The following ELF4 variants were observed in gnomAD, a reference collection of about 807,000 sequenced individuals.
ELF4 encodes ETS-related transcription factor Elf-4.
Under a neutral mutation model 31.7 loss-of-function variants are expected in ELF4, and 10 were observed. That is an observed-to-expected ratio of 0.32 (90% confidence interval 0.19 to 0.54). The LOEUF is 0.54. ELF4 is among the 20% of genes least tolerant of loss of function. The probability of loss-of-function intolerance (pLI) is 0.95; values close to 1 mark genes in which losing one functional copy is unlikely to be tolerated. For synonymous variants in ELF4, 208 were observed against 226.7 expected (o/e 0.92, Z 0.74); for missense variants, 418 against 522.0 (o/e 0.80, Z 1.94).
chrX:130,111,067 C>T (rs1951429722), upstream of ELF4, among the ~76,000 whole-genome samples: 1 of 106,275 alleles, frequency 9.4e-6, no homozygotes, highest in Non-Finnish European at 2.0e-5. Flanking sequence ...CCGTCCGCCC[C>T]GGCCCGCCCG....
At chrX:130,089,591 G>T (rs1933021674) in intron 1 of ELF4, among the ~76,000 whole-genome samples, 1 of 97,560 alleles carries the variant, frequency 1.0e-5, no homozygotes, top group Admixed American at 1.2e-4. Flanking sequence ...AGACCTGAAA[G>T]ATCATTGCAT....
chrX:130,072,852 T>C (rs1215769444), intron 4 of ELF4, among the ~76,000 whole-genome samples: 2 of 111,498 alleles, frequency 1.8e-5, no homozygotes, highest in African/African-American at 3.3e-5. Context: ...CCGGTACAAA[T>C]AGGCACCCAT....
intron 1 of ELF4, among the ~76,000 whole-genome samples, chrX:130,081,861 G>A (rs1932892047): frequency 8.9e-6 from 1 of 111,793 alleles, no homozygotes; most frequent in South Asian, 3.7e-4. Flanking sequence ...CCCTTCCCCT[G>A]GAGAAACTGC....
Position 130,074,688 on chromosome X carries a change from T to C in ELF4, c.140A>G (p.His47Arg), listed in dbSNP as rs1173863352. 1.7e-6 allele frequency: 2 copies of C among 1,211,528 alleles called. No individual in the cohort carries two copies. Among genetic ancestry groups the C allele is most frequent in the Admixed American group, 4.3e-5 (2 of 45,991 alleles). Residue 47 changes from histidine (H) to arginine (R), a missense_variant, in exon 3 of 9, where the codon CAT becomes CGT. Transcript: ENST00000308167. ...VEQVPYPDLL[H>R]LYSGLELDDV... ...GTCCAACTCCAGTCCCGAGTACAGA[T>C]GCAGTAAATCAGGGTAGGGTACCTG...
chrX:130,087,762 C>G (rs1455828306), intron 1 of ELF4, among the ~76,000 whole-genome samples: 1 of 112,432 alleles, frequency 8.9e-6, no homozygotes, highest in Non-Finnish European at 1.9e-5. Context: ...GCCACCGCGC[C>G]TGGCCAGTGT....
At chrX:130,089,509 C>CAAAAAA (rs777456574) in intron 1 of ELF4, among the ~76,000 whole-genome samples, 732 of 19,454 alleles carry the variant, frequency 0.038, 190 homozygotes, top group East Asian at 0.099. Flanking sequence ...GACCTCAGCT[C>CAAAAAA]AAAAAAAAAA....
At chrX:130,101,753 C>T (rs1269531926) in intron 1 of ELF4, among the ~76,000 whole-genome samples, 2 of 110,046 alleles carry the variant, frequency 1.8e-5, no homozygotes, top group Non-Finnish European at 3.8e-5. Context: ...GAGCCGAGAT[C>T]ACGCCATTGC....
Position 130,066,669 on chromosome X carries a change from A to T in ELF4, c.*52T>A, listed in dbSNP as rs1310531469. On this transcript the variant is annotated 3_prime_UTR_variant, in exon 9 of 9. Transcript: ENST00000308167. Reference sequence around the variant, plus strand: ...TGTGCTACTGAAGTCGGTCCCTATGAAAATGCTGCTCAATTTTGCCTGGTG... The same window carrying T: ...TGTGCTACTGAAGTCGGTCCCTATGTAAATGCTGCTCAATTTTGCCTGGTG... 8.6e-7 allele frequency: 1 copy of T among 1,164,984 alleles called. No homozygotes were observed. Among genetic ancestry groups the T allele is most frequent in the Non-Finnish European group, 1.2e-6 (1 of 857,890 alleles).
In ELF4 at chrX:130,066,011, C is replaced by T. The variant is rs946157756; in HGVS notation, c.*710G>A. 2 of 174,674 alleles carry T rather than the reference C, an allele frequency of 1.1e-5. No individual in the cohort carries two copies. Among genetic ancestry groups the T allele is most frequent in the Non-Finnish European group, 2.2e-5 (2 of 91,057 alleles). 14.4% of individuals were successfully genotyped at this position (174,674 alleles called of 1,213,427 possible). Reference sequence around the variant, plus strand: ...CCTCCCTTCGTGGTTTTACCCCACTCGGCCTTTGTGTCCCTGAGGAGCGCA... The same window carrying T: ...CCTCCCTTCGTGGTTTTACCCCACTTGGCCTTTGTGTCCCTGAGGAGCGCA... On this transcript the variant is annotated 3_prime_UTR_variant, in exon 9 of 9. Transcript: ENST00000308167.
chrX:130,109,068 G>T (rs1243093852), intron 1 of ELF4, among the ~76,000 whole-genome samples: 1 of 112,839 alleles, frequency 8.9e-6, no homozygotes, highest in Non-Finnish European at 1.9e-5. Flanking sequence ...TGGCATTCTT[G>T]CTGGGCATAT....
rs1381573737 is a variant in ELF4, at chrX:130,063,971, T to TA, written c.*2749_*2750insT. ...GTGACGGCCTTTTTGTTTGCTTGAT[T>TA]TTTATTATTATTATTATTATTATTA... On this transcript the variant is annotated 3_prime_UTR_variant, in exon 9 of 9. Coordinates refer to ENST00000308167, the MANE Select transcript of ELF4 (RefSeq NM_001421.4). 7.0e-5 allele frequency among the ~76,000 whole-genome samples: 5 copies of TA among 71,511 alleles called. No individual in the cohort carries two copies. The highest frequency in any genetic ancestry group is 6.3e-4 in the South Asian group (1 of 1,590). 62.1% of individuals were successfully genotyped at this position (71,511 alleles called of 115,157 possible).
At position 130,063,977 on chromosome X, in the gene ELF4, TA is replaced by T. The variant is rs1932608765; in HGVS notation, c.*2743del. On this transcript the variant is annotated 3_prime_UTR_variant, in exon 9 of 9. Transcript: ENST00000308167. ...GCCTTTTTGTTTGCTTGATTTTTAT[TA>T]TTATTATTATTATTATTATTATTAT... Among the ~76,000 whole-genome samples the T allele has an allele frequency of 1.2e-5, 1 of 86,449 alleles. No homozygotes were observed. The highest frequency in any genetic ancestry group is 2.1e-5 in the Non-Finnish European group (1 of 48,735). The allele number at this position is 86,449 out of a possible 115,157, so 75.1% of individuals were successfully genotyped here.
chrX:130,074,384 C>T, intron 3 of ELF4, among the ~76,000 whole-genome samples, 197 bp downstream of exon 3: 1 of 111,631 alleles, frequency 9.0e-6, no homozygotes, highest in Non-Finnish European at 1.9e-5. Flanking sequence ...CTGGTCTTCA[C>T]TCCTCATTGT....
rs1055668354 is a variant in ELF4 at position 130,065,267 on chromosome X, G to A, written c.*1454C>T. The A allele has an allele frequency of 3.4e-5, 6 of 173,967 alleles. No homozygotes were observed. Among genetic ancestry groups the A allele is most frequent in the Non-Finnish European group, 5.5e-5 (5 of 91,193 alleles). The allele number at this position is 173,967 out of a possible 1,213,427, so 14.3% of individuals were successfully genotyped here. A position where few individuals can be genotyped will look rare whatever the true frequency, so the allele number is the denominator to read the frequency against. ...AACTTGGCAGGAGGGAGGCAAGCTC[G>A]TTTAAAGAAGGGAGAGGGGAGGAGA... On this transcript the variant is annotated 3_prime_UTR_variant, in exon 9 of 9. Coordinates refer to ENST00000308167, the MANE Select transcript of ELF4 (RefSeq NM_001421.4).
rs1932818341 is a variant in ELF4, at chrX:130,074,756, T to C, written c.76-4A>G. ...GGAACACAGAGGGGTCTTCCAGCTATGGAGAAGACAGGGATGTGATTCAAG... is the reference window on the plus strand; with the variant it reads ...GGAACACAGAGGGGTCTTCCAGCTACGGAGAAGACAGGGATGTGATTCAAG... On this transcript the variant is annotated splice_polypyrimidine_tract_variant and splice_region_variant and intron_variant, in intron 2 of 8. Coordinates refer to ENST00000308167, the MANE Select transcript of ELF4 (RefSeq NM_001421.4). 8.3e-7 allele frequency: 1 copy of C among 1,211,335 alleles called. No individual in the cohort carries two copies. Among genetic ancestry groups the C allele is most frequent in the Non-Finnish European group, 1.1e-6 (1 of 895,359 alleles).
At position 130,065,095 on chromosome X, in the gene ELF4, A is replaced by T. The variant is rs924920310; in HGVS notation, c.*1626T>A. 5.8e-6 allele frequency: 1 copy of T among 173,559 alleles called. No homozygotes were observed. The highest frequency in any genetic ancestry group is 3.0e-5 in the African/African-American group (1 of 33,862). 14.3% of individuals were successfully genotyped at this position (173,559 alleles called of 1,213,427 possible). A position where few individuals can be genotyped will look rare whatever the true frequency, so the allele number is the denominator to read the frequency against. On this transcript the variant is annotated 3_prime_UTR_variant, in exon 9 of 9. Coordinates refer to ENST00000308167, the MANE Select transcript of ELF4 (RefSeq NM_001421.4). The stretch of plus-strand genomic sequence containing the variant: ...TGGCTTAACAAAGAAGAGAAGAGCG[A>T]GAGCGCGGCCAGGGGAGGTAGTTAG...
chrX:130,085,696 C>A (rs1260259364), intron 1 of ELF4, among the ~76,000 whole-genome samples: 1 of 111,984 alleles, frequency 8.9e-6, no homozygotes, highest in Non-Finnish European at 1.9e-5. Context: ...TCTCCTTCTC[C>A]GGTTCCTTGT....
chrX:130,072,251 C>G lies in ELF4; in HGVS notation c.507G>C (p.Lys169Asn), dbSNP rs1932794137. The change falls in exon 5 of 9, where the codon AAG becomes AAC. Residue 169 changes from lysine to asparagine, a missense_variant. Lys to Asn is a moderately conservative substitution (Grantham distance 94, BLOSUM62 0). This residue lies in a region of ELF4 where 88 missense variants were observed against 92.4 expected (regional missense o/e 0.95). Transcript: ENST00000308167. Reference protein sequence around the residue: ...EEKASREESAKKTGKSKKRIR... With the variant: ...EEKASREESANKTGKSKKRIR... ...TTCTCTTCTTTGATTTCCCAGTCTT[C>G]TTGGCACTTTCCTCTCTGGAGGCCT... 8.3e-7 allele frequency: 1 copy of G among 1,209,314 alleles called. No homozygotes were observed. The highest frequency in any genetic ancestry group is 1.1e-6 in the Non-Finnish European group (1 of 894,681).
chrX:130,083,476 A>G (rs974046608), intron 1 of ELF4, among the ~76,000 whole-genome samples: 1 of 109,590 alleles, frequency 9.1e-6, no homozygotes, highest in Non-Finnish European at 1.9e-5. Context: ...AAAGGTGATC[A>G]CTTTCACCTA....
Sources: gnomAD v4.1 joint callset for allele counts (sites outside exome capture counted in the v4.1 genomes callset) on GRCh38, gnomAD v4.1.1 for gene constraint, gnomAD v4.1.1 regional missense constraint, MANE v1.5 for transcripts, NCBI Gene and HGNC (gene_info 2026-07-23, HGNC 2026-07-21) for gene names.